ESR1: variants seen among roughly 807,000 people sequenced by gnomAD.
ESR1 encodes the protein estrogen receptor.
In ESR1, 12 loss-of-function variants were observed where a neutral mutation model predicts 52.7. The ratio of observed to expected loss-of-function variants is 0.23; its 90% CI spans 0.15 to 0.37. The LOEUF (loss-of-function observed/expected upper bound fraction) is 0.37, where lower values mean the gene tolerates loss of function less well. ESR1 is among the 10% of genes least tolerant of loss of function. The pLI is 1.00. For synonymous variants in ESR1, 305 were observed against 316.8 expected, an observed-to-expected ratio of 0.96 and a Z score of 0.39; for missense variants, 584 against 779.7, an observed-to-expected ratio of 0.75 and a Z score of 2.99.
intron 3 of ESR1, among the ~76,000 whole-genome samples, chr6:151,920,351 A>T (rs1163545788): frequency 6.6e-6 from 1 of 150,742 alleles, no homozygotes; most frequent in Non-Finnish European, 1.5e-5. Context: ...TTTTAGATTT[A>T]CAGAATTATT....
intron 4 of ESR1, among the ~76,000 whole-genome samples, chr6:152,006,310 G>A (rs143325285): frequency 7.9e-5 from 12 of 151,702 alleles, no homozygotes; most frequent in African/African-American, 1.7e-4. Flanking sequence ...TCCTGTTATC[G>A]AAGATATCTT....
intron 3 of ESR1, among the ~76,000 whole-genome samples, chr6:151,899,277 C>T (rs1285562243): frequency 1.9e-4 from 25 of 134,236 alleles, no homozygotes; most frequent in Non-Finnish European, 2.7e-4. Flanking sequence ...CCCTCCCGGA[C>T]GGGGCGGCTG....
chr6:151,807,959 A>C lies in ESR1; in HGVS notation c.47A>C (p.His16Pro). The change falls in exon 1 of 8, where the codon CAT (histidine) becomes CCT (proline). Residue 16 changes from histidine (H) to proline (P), a missense_variant. His to Pro is a moderately conservative substitution (Grantham distance 77). Around this residue, in one of 6 missense-constraint regions of ESR1, gnomAD observed 251 missense variants for 246.1 expected, o/e 1.02. Transcript: ENST00000206249. ...AAAGCATCTGGGATGGCCCTACTGC[A>C]TCAGATCCAAGGGAACGAGCTGGAG... ...HTKASGMALL[H>P]QIQGNELEPL... 1 of 1,613,930 alleles carries C rather than the reference A, an allele frequency of 6.2e-7. No homozygotes were observed. The highest frequency in any genetic ancestry group is 8.5e-7 in the Non-Finnish European group (1 of 1,179,964).
intron 2 of ESR1, among the ~76,000 whole-genome samples, chr6:151,767,995 T>C (rs780064361): frequency 7.2e-4 from 109 of 152,194 alleles, no homozygotes; most frequent in Non-Finnish European, 1.5e-4. Flanking sequence ...TTCAGCTGTG[T>C]GTCCAGGAAA....
At chr6:151,712,624 A>G (rs1361040842) in intron 2 of ESR1, among the ~76,000 whole-genome samples, 2 of 152,136 alleles carry the variant, frequency 1.3e-5, no homozygotes, top group Non-Finnish European at 2.9e-5. Context: ...AAGTGCACTC[A>G]TGATTTGGCT....
chr6:152,124,884 G>A (rs2052809082), intron 6 of ESR1, among the ~76,000 whole-genome samples: 1 of 152,130 alleles, frequency 6.6e-6, no homozygotes, highest in Admixed American at 6.6e-5. Flanking sequence ...GACAGTTCAT[G>A]TTTACTCTTC....
chr6:151,707,714 A>G (rs1780289398), intron 2 of ESR1, among the ~76,000 whole-genome samples: 1 of 152,044 alleles, frequency 6.6e-6, no homozygotes, highest in African/African-American at 2.4e-5. Flanking sequence ...GTATTGCCAG[A>G]TATATTTTTT....
intron 1 of ESR1, among the ~76,000 whole-genome samples, chr6:151,831,247 A>G (rs1782359721): frequency 1.3e-5 from 2 of 151,814 alleles, no homozygotes; most frequent in African/African-American, 2.4e-5. Flanking sequence ...GGCTCAAGCA[A>G]TCTTCCCACC....
At chr6:151,873,686 A>G (rs1033181) in intron 2 of ESR1, among the ~76,000 whole-genome samples, 145,805 of 152,324 alleles carry the variant, frequency 0.96, 69,848 homozygotes, top group East Asian at 1. Context: ...CTAAAATGTC[A>G]TAGGTTTTCC....
At chr6:151,975,397 A>C (rs181431992) in intron 4 of ESR1, among the ~76,000 whole-genome samples, 1 of 150,510 alleles carries the variant, frequency 6.6e-6, no homozygotes, top group Non-Finnish European at 1.5e-5. Flanking sequence ...TATCAATTTG[A>C]TGTATTAGTT....
chr6:151,766,381 T>C (rs1000157107), intron 2 of ESR1, among the ~76,000 whole-genome samples: 33 of 152,106 alleles, frequency 2.2e-4, no homozygotes, highest in African/African-American at 7.5e-4. Flanking sequence ...TACAGGAGAC[T>C]GAGATAGGAG....
At chr6:151,758,954 C>A (rs1185233392) in intron 2 of ESR1, among the ~76,000 whole-genome samples, 3 of 151,806 alleles carry the variant, frequency 2.0e-5, no homozygotes, top group Non-Finnish European at 4.4e-5. Context: ...TAACAATAAA[C>A]TTCTCAAAAT....
chr6:151,777,123 C>CTTTTTTT (rs768370394), intron 2 of ESR1, among the ~76,000 whole-genome samples: 3 of 133,548 alleles, frequency 2.2e-5, no homozygotes, highest in Non-Finnish European at 1.6e-5. Flanking sequence ...CTTTTCTTTT[C>CTTTTTTT]TTTTTTTTTT....
intron 1 of ESR1, among the ~76,000 whole-genome samples, chr6:151,809,546 G>T (rs1362772225): frequency 6.6e-6 from 1 of 152,152 alleles, no homozygotes; most frequent in African/African-American, 2.4e-5. Flanking sequence ...ATCCGGACTG[G>T]TGTCCCTATA....
intron 1 of ESR1, among the ~76,000 whole-genome samples, chr6:151,824,726 C>T (rs1781177976): frequency 6.6e-6 from 1 of 152,018 alleles, no homozygotes; most frequent in South Asian, 2.1e-4. Flanking sequence ...GCCAAGGCCT[C>T]CTGGCTAACA....
chr6:151,711,745 T>G (rs1780629986), intron 2 of ESR1, among the ~76,000 whole-genome samples: 1 of 152,212 alleles, frequency 6.6e-6, no homozygotes, highest in Non-Finnish European at 1.5e-5. Context: ...TTGTAGATAT[T>G]AGCCCTTTGT....
chr6:151,983,724 GT>G (rs1283835266), intron 4 of ESR1, among the ~76,000 whole-genome samples: 1 of 152,110 alleles, frequency 6.6e-6, no homozygotes, highest in East Asian at 1.9e-4. Context: ...CATTTCAGCT[GT>G]CAACCAGGGT....
chr6:151,888,631 C>A (rs1794239655), intron 3 of ESR1, among the ~76,000 whole-genome samples: 1 of 151,982 alleles, frequency 6.6e-6, no homozygotes, highest in Non-Finnish European at 1.5e-5. Context: ...GGCAATTTAA[C>A]TTCTTCTTTT....
chr6:151,893,064 G>T (rs999029316), intron 3 of ESR1, among the ~76,000 whole-genome samples: 33 of 152,300 alleles, frequency 2.2e-4, no homozygotes, highest in African/African-American at 7.5e-4. Context: ...GGTGGCGGGC[G>T]CCTGTAGTCG....
Sources: allele counts gnomAD v4.1 joint callset (sites outside exome capture counted in the v4.1 genomes callset), GRCh38; gene constraint gnomAD v4.1.1; regional missense constraint gnomAD v4.1.1; transcripts MANE v1.5; gene names NCBI Gene and HGNC (gene_info 2026-07-23, HGNC 2026-07-21).